LDLRAD4: variants seen among roughly 807,000 people sequenced by gnomAD.
LDLRAD4 encodes the protein low density lipoprotein receptor class A domain containing 4.
LDLRAD4 carries 5 observed loss-of-function variants against 17.0 expected under a neutral mutation model. The observed-to-expected ratio is 0.29, with a 90% CI of 0.15 to 0.62. The LOEUF (loss-of-function observed/expected upper bound fraction) is 0.62, where lower values mean the gene tolerates loss of function less well. LDLRAD4 is among the 20% of genes least tolerant of loss of function. The probability of loss-of-function intolerance (pLI) is 0.84; values close to 1 mark genes in which losing one functional copy is unlikely to be tolerated. For synonymous variants in LDLRAD4, 168 were observed against 171.8 expected (o/e 0.98, Z 0.17); for missense variants, 340 against 424.7 (o/e 0.80, Z 1.75).
intron 1 of LDLRAD4, among the ~76,000 whole-genome samples, chr18:13,327,282 T>C (rs1213567124): frequency 2.6e-5 from 4 of 152,090 alleles, no homozygotes; most frequent in Admixed American, 6.6e-5. Flanking sequence ...TGCAATATTA[T>C]TACCTCCAGG....
chr18:13,597,435 T>C (rs1383478466), intron 3 of LDLRAD4, among the ~76,000 whole-genome samples: 5 of 152,202 alleles, frequency 3.3e-5, no homozygotes, highest in Non-Finnish European at 7.4e-5. Context: ...TTCCTGAGTG[T>C]ATAGATTAAC....
At chr18:13,540,193 T>C (rs781260895) in intron 3 of LDLRAD4, among the ~76,000 whole-genome samples, 2 of 152,254 alleles carry the variant, frequency 1.3e-5, no homozygotes, top group Non-Finnish European at 2.9e-5. Flanking sequence ...GTTTGTCTTT[T>C]TTAAAAAATA....
At chr18:13,559,748 C>T (rs959095614) in intron 3 of LDLRAD4, among the ~76,000 whole-genome samples, 1 of 152,224 alleles carries the variant, frequency 6.6e-6, no homozygotes, top group East Asian at 1.9e-4. Context: ...GACAGCAGCT[C>T]TGCAAATGAC....
intron 3 of LDLRAD4, among the ~76,000 whole-genome samples, chr18:13,448,241 C>G (rs1179541569): frequency 6.6e-6 from 1 of 152,096 alleles, no homozygotes; most frequent in Non-Finnish European, 1.5e-5. Flanking sequence ...GAATGCAGCC[C>G]GCGGGGTGAC....
At chr18:13,378,890 T>G (rs990202374) in intron 1 of LDLRAD4, among the ~76,000 whole-genome samples, 7 of 152,242 alleles carry the variant, frequency 4.6e-5, no homozygotes, top group Non-Finnish European at 1.0e-4. Context: ...TGACGTTGTA[T>G]CAGTTGGGTC....
At chr18:13,471,790 A>G (rs1176276050) in intron 3 of LDLRAD4, 1 of 152,318 alleles carries the variant, frequency 6.6e-6, no homozygotes, top group African/African-American at 2.4e-5. Flanking sequence ...TTTCATAAGA[A>G]TTGCTCACCG....
At chr18:13,608,823 C>T (rs979845346) in intron 3 of LDLRAD4, among the ~76,000 whole-genome samples, 6 of 152,182 alleles carry the variant, frequency 3.9e-5, no homozygotes, top group East Asian at 1.9e-4. Context: ...GGACTGTAAA[C>T]GCTCAGGTAA....
In LDLRAD4 at chr18:13,256,131, A is replaced by T. The variant is rs1420207842; in HGVS notation, c.-466-21974A>T. ...AAGCACTTTGATTCCCTGGGAGAAC[A>T]GGTGCTGTGTGTGCACAAGGTTTTG... On this transcript the variant is annotated intron_variant, in intron 1 of 5. Transcript: ENST00000399848. Among the ~76,000 whole-genome samples the T allele has an allele frequency of 2.0e-5, 3 of 152,244 alleles. No homozygotes were observed. In the East Asian group the frequency reaches 5.8e-4, roughly 29 times the overall value.
At chr18:13,588,141 CT>C (rs940390688) in intron 3 of LDLRAD4, among the ~76,000 whole-genome samples, 1 of 152,166 alleles carries the variant, frequency 6.6e-6, no homozygotes, top group African/African-American at 2.4e-5. Context: ...CATTGAGAAG[CT>C]TTGTGAAAAT....
chr18:13,375,895 A>G (rs2084870544), intron 1 of LDLRAD4, among the ~76,000 whole-genome samples: 1 of 152,104 alleles, frequency 6.6e-6, no homozygotes, highest in Non-Finnish European at 1.5e-5. Flanking sequence ...TTTCAAGTGT[A>G]TTTGTTAATT....
chr18:13,643,500 G>T, intron 5 of LDLRAD4, 88 bp downstream of exon 6: 1 of 709,560 alleles, frequency 1.4e-6, no homozygotes. Context: ...TGGGGTGGAA[G>T]GGGAGGGGCC....
At chr18:13,404,594 G>A (rs2087548006) in intron 2 of LDLRAD4, among the ~76,000 whole-genome samples, 1 of 152,082 alleles carries the variant, frequency 6.6e-6, no homozygotes, top group African/African-American at 2.4e-5. Flanking sequence ...TCAGGAGATC[G>A]AGACCATCCT....
chr18:13,288,353 G>A (rs967761450), intron 1 of LDLRAD4, among the ~76,000 whole-genome samples: 9 of 152,128 alleles, frequency 5.9e-5, no homozygotes, highest in East Asian at 1.9e-4. Context: ...TAAAGGACAC[G>A]TGTATTGAAA....
chr18:13,650,226 T>C (rs994832559), exon 6 of LDLRAD4: 2 of 403,882 alleles, frequency 5.0e-6, no homozygotes, highest in East Asian at 3.5e-5. Flanking sequence ...TTTATGTTAC[T>C]GCCAGGGTCA....
intron 1 of LDLRAD4, among the ~76,000 whole-genome samples, chr18:13,376,801 T>C (rs984463408): frequency 6.6e-6 from 1 of 152,216 alleles, no homozygotes; most frequent in African/African-American, 2.4e-5. Context: ...TCCCCATGAA[T>C]AACCCTCACT....
chr18:13,461,597 G>T (rs538221483), intron 3 of LDLRAD4: 1 of 152,302 alleles, frequency 6.6e-6, no homozygotes, highest in Non-Finnish European at 1.5e-5. Context: ...TCCTGAGCCC[G>T]GTTACAGAAT....
intron 1 of LDLRAD4, among the ~76,000 whole-genome samples, chr18:13,370,088 T>C (rs528134522): frequency 6.6e-6 from 1 of 152,374 alleles, no homozygotes; most frequent in South Asian, 2.1e-4. Flanking sequence ...GCAGGTGGCC[T>C]GCCACACAGG....
At chr18:13,573,162 T>C (rs1601480571) in intron 3 of LDLRAD4, among the ~76,000 whole-genome samples, 1 of 152,236 alleles carries the variant, frequency 6.6e-6, no homozygotes, top group Non-Finnish European at 1.5e-5. Flanking sequence ...TGAAGTGCAG[T>C]GGCATGATCT....
chr18:13,329,662 A>G (rs2081739385), intron 1 of LDLRAD4, among the ~76,000 whole-genome samples: 1 of 152,216 alleles, frequency 6.6e-6, no homozygotes, highest in Admixed American at 6.5e-5. Context: ...CAAAATACCC[A>G]AATCGTTTAT....
Sources: gnomAD v4.1 joint callset for allele counts (sites outside exome capture counted in the v4.1 genomes callset) on GRCh38, gnomAD v4.1.1 for gene constraint, MANE v1.5 for transcripts, NCBI Gene and HGNC (gene_info 2026-07-23, HGNC 2026-07-21) for gene names.